GET1: variants seen among roughly 807,000 people sequenced by gnomAD.
The protein encoded by GET1 is guided entry of tail-anchored proteins factor 1.
In GET1, 20 loss-of-function variants were observed where a neutral mutation model predicts 22.6. That is an observed-to-expected ratio of 0.89 (90% CI 0.62 to 1.29). GET1 has a LOEUF of 1.29. Among genes scored for constraint, GET1 ranks in the 50% most tolerant of loss-of-function variants. The pLI is 0.00. For synonymous variants in GET1, 92 were observed against 83.8 expected, an observed-to-expected ratio of 1.10 and a Z score of -0.53; for missense variants, 209 against 219.9, an observed-to-expected ratio of 0.95 and a Z score of 0.31.
At chr21:39,382,208 C>T (rs2037596674) in intron 1 of GET1, among the ~76,000 whole-genome samples, 1 of 151,976 alleles carries the variant, frequency 6.6e-6, no homozygotes, top group African/African-American at 2.4e-5. Flanking sequence ...GTACCTGCCA[C>T]CATGCCCGGC....
chr21:39,381,988 C>G (rs1473946180), intron 1 of GET1, among the ~76,000 whole-genome samples: 1 of 152,138 alleles, frequency 6.6e-6, no homozygotes, highest in Non-Finnish European at 1.5e-5. Flanking sequence ...ATCCACCCAT[C>G]CTGGCCTCCC....
At chr21:39,423,979 G>C (rs1178048997) in intron 1 of GET1, among the ~76,000 whole-genome samples, 1 of 152,036 alleles carries the variant, frequency 6.6e-6, no homozygotes, top group Non-Finnish European at 1.5e-5. Context: ...ACAGAGTTAA[G>C]ATCCCATCTC....
At chr21:39,423,010 G>T (rs2074031738) in intron 1 of GET1, 2 of 1,613,662 alleles carry the variant, frequency 1.2e-6, no homozygotes, top group Non-Finnish European at 1.7e-6. Context: ...CATTTTTGTT[G>T]TGATAATAGA....
rs541884637 is a variant in GET1, at chr21:39,392,843, A to G, written c.337-323A>G. 1.6e-5 allele frequency: 4 copies of G among 243,430 alleles called. No individual in the cohort carries two copies. In the South Asian group the frequency reaches 3.7e-4, roughly 23 times the overall value. 15.1% of individuals were successfully genotyped at this position (243,430 alleles called of 1,614,324 possible). A position where few individuals can be genotyped will look rare whatever the true frequency, so the allele number is the denominator to read the frequency against. ...TATGGGAGACTTTGGTTAGTTTATC[A>G]GCTAATTTAAATTATGTGTAGATTG... is the stretch of plus-strand genomic sequence containing the variant. On this transcript the variant is annotated intron_variant, in intron 3 of 4. Transcript: ENST00000649170.
chr21:39,407,262 C>G (rs1264723454), downstream of GET1, among the ~76,000 whole-genome samples: 1 of 152,082 alleles, frequency 6.6e-6, no homozygotes, highest in Non-Finnish European at 1.5e-5. Flanking sequence ...AAGAACAGAA[C>G]AGAACAGAAC....
intron 1 of GET1, chr21:39,423,095 C>T (rs773416355): frequency 6.2e-7 from 1 of 1,613,838 alleles, no homozygotes; most frequent in African/African-American, 1.3e-5. Flanking sequence ...TGCAAGATAT[C>T]TTTAGTCTTC....
downstream of GET1, among the ~76,000 whole-genome samples, chr21:39,400,316 C>T (rs377750477): frequency 6.6e-6 from 1 of 152,184 alleles, no homozygotes; most frequent in African/African-American, 2.4e-5. Flanking sequence ...TTTGTTGTGT[C>T]TGCTGTTGTG....
In GET1 at chr21:39,422,703, G is replaced by C. The variant is rs1277085313; in HGVS notation, c.*24-5529G>C. The stretch of plus-strand genomic sequence containing the variant: ...TTAGCACTGTAGCTGTGCTCTCTTA[G>C]AGAATGGTCATTTCCAGATAAACCA... On this transcript the variant is annotated intron_variant, in intron 1 of 1. Transcript: ENST00000478273. 5.8e-6 allele frequency: 3 copies of C among 520,340 alleles called. No homozygotes were observed. In the African/African-American group the frequency reaches 5.9e-5, roughly 10 times the overall value. The allele number at this position is 520,340 out of a possible 1,614,324, so 32.2% of individuals were successfully genotyped here. A position where few individuals can be genotyped will look rare whatever the true frequency, so the allele number is the denominator to read the frequency against.
chr21:39,428,394 CTGGG>C (rs1422470260), exon 2 of GET1: 17 of 1,613,092 alleles, frequency 1.1e-5, no homozygotes, highest in Non-Finnish European at 1.4e-5. Context: ...TCGCCTGTGC[CTGGG>C]CTTCTCTTGC....
chr21:39,385,935 T>TCA (rs1437959722), intron 1 of GET1, among the ~76,000 whole-genome samples: 1 of 150,998 alleles, frequency 6.6e-6, no homozygotes, highest in Non-Finnish European at 1.5e-5. Flanking sequence ...GGACTGGCGC[T>TCA]GGCTCAGGGT....
At chr21:39,383,466 G>C (rs1314649369) in intron 1 of GET1, among the ~76,000 whole-genome samples, 2 of 151,270 alleles carry the variant, frequency 1.3e-5, no homozygotes, top group East Asian at 3.9e-4. Context: ...ATTTTTAGTA[G>C]AGACGAGGTT....
intron 1 of GET1, among the ~76,000 whole-genome samples, chr21:39,421,105 T>G (rs1335691770): frequency 2.6e-5 from 4 of 151,622 alleles, no homozygotes; most frequent in African/African-American, 7.3e-5. Flanking sequence ...CAATTCGTTT[T>G]TTTTTTTTTT....
At chr21:39,391,953 T>C (rs2038327827) in intron 3 of GET1, 117 bp downstream of exon 3, 1 of 947,950 alleles carries the variant, frequency 1.1e-6, no homozygotes, top group African/African-American at 1.6e-5. Context: ...TGTCGTGTCG[T>C]GTGTCCCTGC....
chr21:39,407,611 T>C (rs1410797683), downstream of GET1, among the ~76,000 whole-genome samples: 1 of 152,180 alleles, frequency 6.6e-6, no homozygotes, highest in Non-Finnish European at 1.5e-5. Context: ...CAGGCAGTTA[T>C]TATAGACAAT....
At chr21:39,412,055 T>C (rs2040177475) in intron 1 of GET1, among the ~76,000 whole-genome samples, 1 of 152,252 alleles carries the variant, frequency 6.6e-6, no homozygotes, top group African/African-American at 2.4e-5. Flanking sequence ...GTCCACTGTT[T>C]TCCTTCTGTC....
chr21:39,419,736 T>C (rs1223743996), intron 1 of GET1, among the ~76,000 whole-genome samples: 1 of 151,912 alleles, frequency 6.6e-6, no homozygotes, highest in Admixed American at 6.6e-5. Context: ...TCCTTAAAAA[T>C]AAAAAAGTTA....
At chr21:39,403,067 C>T (rs1313847317) in intron 4 of GET1, among the ~76,000 whole-genome samples, 5 of 152,176 alleles carry the variant, frequency 3.3e-5, no homozygotes. Context: ...CCTCTGTCTG[C>T]TATGAAGCTG....
intron 4 of GET1, among the ~76,000 whole-genome samples, chr21:39,405,220 A>C (rs1043364026): frequency 6.6e-5 from 10 of 151,880 alleles, no homozygotes; most frequent in Admixed American, 5.2e-4. Context: ...TTTTTGAGAC[A>C]CGGTCTCACT....
At chr21:39,383,574 A>G (rs9680225) in intron 1 of GET1, among the ~76,000 whole-genome samples, 139,061 of 150,844 alleles carry the variant, frequency 0.92, 64,222 homozygotes, top group African/African-American at 0.98. Flanking sequence ...GAGCCACTGC[A>G]CCCAGCTAAT....
Sources: allele counts gnomAD v4.1 joint callset (sites outside exome capture counted in the v4.1 genomes callset), GRCh38; gene constraint gnomAD v4.1.1; transcripts MANE v1.5; gene names NCBI Gene and HGNC (gene_info 2026-07-23, HGNC 2026-07-21).